Variants in SPATA16 observed in about 807,000 individuals in gnomAD.
The protein encoded by SPATA16 is spermatogenesis associated 16.
In SPATA16, 36 loss-of-function variants were observed where a neutral mutation model predicts 63.3. The ratio of observed to expected loss-of-function variants is 0.57; its 90% CI spans 0.44 to 0.75. The LOEUF (loss-of-function observed/expected upper bound fraction) is 0.75. SPATA16 is among the 30% of genes least tolerant of loss of function. SPATA16 has a pLI of 0.00. For missense variants in SPATA16, 646 were observed against 679.3 expected, an observed-to-expected ratio of 0.95 and a Z score of 0.54; for synonymous variants, 203 against 216.7, an observed-to-expected ratio of 0.94 and a Z score of 0.56.
intron 3 of SPATA16, among the ~76,000 whole-genome samples, chr3:173,033,325 C>T (rs1735645882): frequency 6.6e-6 from 1 of 152,124 alleles, no homozygotes; most frequent in East Asian, 1.9e-4. Context: ...ATTGTAATCC[C>T]GAGTCTGTCT....
chr3:173,055,663 T>C (rs1160615830), intron 2 of SPATA16, among the ~76,000 whole-genome samples: 1 of 152,220 alleles, frequency 6.6e-6, no homozygotes, highest in Non-Finnish European at 1.5e-5. Flanking sequence ...GGAACTGTAA[T>C]GTATCTTGAA....
intron 3 of SPATA16, among the ~76,000 whole-genome samples, chr3:173,021,923 T>G (rs1384683996): frequency 6.6e-6 from 1 of 152,150 alleles, no homozygotes; most frequent in Non-Finnish European, 1.5e-5. Context: ...GTAATGTTTT[T>G]GCTTTGCCGA....
intron 2 of SPATA16, among the ~76,000 whole-genome samples, chr3:173,107,780 G>A (rs1486903322): frequency 1.3e-5 from 2 of 152,106 alleles, no homozygotes; most frequent in Non-Finnish European, 2.9e-5. Context: ...CGTAACAGAG[G>A]AAAGAGACGG....
Position 173,049,083 on chromosome 3 carries a change from T to C in SPATA16, c.624A>G (p.Lys208=), listed in dbSNP as rs1209749865. The C allele has an allele frequency of 6.2e-7, 1 of 1,613,244 alleles. No homozygotes were observed. Among genetic ancestry groups the C allele is most frequent in the Non-Finnish European group, 8.5e-7 (1 of 1,179,496 alleles). ...QFRTALELCS[K]GAVLGEPFDA... ...CAAATGGTTCTCCCAGAACTGCTCC[T>C]TTGCTGCAAAGCTTTAAAAAATATA... The change falls in exon 3 of 11, where the codon AAA becomes AAG. Residue 208 remains lysine, a synonymous_variant. Transcript: ENST00000351008.
chr3:172,968,617 T>G (rs1055794863), intron 5 of SPATA16, among the ~76,000 whole-genome samples: 1 of 152,194 alleles, frequency 6.6e-6, no homozygotes, highest in African/African-American at 2.4e-5. Context: ...TCTCCCCCCT[T>G]TCTTCCCTTT....
chr3:173,010,732 A>G (rs938532200), intron 4 of SPATA16, among the ~76,000 whole-genome samples: 1 of 151,984 alleles, frequency 6.6e-6, no homozygotes, highest in Non-Finnish European at 1.5e-5. Context: ...TGAGCATTTC[A>G]ATGGTGGCTC....
At chr3:172,978,479 T>C (rs1000358649) in intron 4 of SPATA16, among the ~76,000 whole-genome samples, 2 of 152,180 alleles carry the variant, frequency 1.3e-5, no homozygotes, top group African/African-American at 4.8e-5. Flanking sequence ...GTGCCTGTTA[T>C]TTAATAGAAA....
chr3:173,086,549 T>C (rs1197847203), intron 2 of SPATA16, among the ~76,000 whole-genome samples: 2 of 152,170 alleles, frequency 1.3e-5, no homozygotes, highest in Non-Finnish European at 2.9e-5. Flanking sequence ...AGTTCTGCTC[T>C]GATTTTGGTT....
intron 4 of SPATA16, among the ~76,000 whole-genome samples, chr3:173,004,824 C>T (rs999110154): frequency 4.6e-5 from 7 of 152,210 alleles, no homozygotes; most frequent in Middle Eastern, 3.4e-3. Context: ...GTGACATAGA[C>T]GCTATTATTA....
At chr3:172,908,594 CTT>C in intron 10 of SPATA16, among the ~76,000 whole-genome samples, 1 of 152,148 alleles carries the variant, frequency 6.6e-6, no homozygotes, top group African/African-American at 2.4e-5. Flanking sequence ...TCTTGATCGG[CTT>C]TTTATAGACC....
intron 2 of SPATA16, among the ~76,000 whole-genome samples, chr3:173,065,403 C>T (rs1233945204): frequency 2.0e-5 from 3 of 152,086 alleles, no homozygotes; most frequent in Non-Finnish European, 4.4e-5. Context: ...ATTTCGAGAT[C>T]AGTATTTCTA....
Position 172,987,790 on chromosome 3 carries a change from C to T in SPATA16, c.849-10738G>A, listed in dbSNP as rs1373462388. On this transcript the variant is annotated intron_variant, in intron 4 of 10. Coordinates refer to ENST00000351008, the MANE Select transcript of SPATA16 (RefSeq NM_031955.6). ...TTAGAGCAGAAAATAAACCCATTCA[C>T]AGCAGAGAAACAGCTTACAGAGAAA... Among the ~76,000 whole-genome samples the T allele has an allele frequency of 2.0e-5, 3 of 152,316 alleles. No homozygotes were observed. In the East Asian group the frequency reaches 5.8e-4, roughly 29 times the overall value.
chr3:172,940,669 C>A (rs531247444), intron 6 of SPATA16, among the ~76,000 whole-genome samples: 1 of 152,202 alleles, frequency 6.6e-6, no homozygotes, highest in East Asian at 1.9e-4. Flanking sequence ...GAACATGTAC[C>A]TCTGAACTTA....
chr3:172,889,481 C>T lies in SPATA16; in HGVS notation c.*89G>A. The T allele has an allele frequency of 1.9e-6, 3 of 1,585,716 alleles. No homozygotes were observed. Among genetic ancestry groups the T allele is most frequent in the Non-Finnish European group, 2.6e-6 (3 of 1,159,856 alleles). On this transcript the variant is annotated 3_prime_UTR_variant, in exon 11 of 11. Transcript: ENST00000351008. ...TCTTTTGGTGACAAGCTTTTGTTAT[C>T]CAGCTTCACAGTACTAGGTGGGCAT...
chr3:172,999,715 C>T (rs969352262), intron 4 of SPATA16, among the ~76,000 whole-genome samples: 1 of 152,006 alleles, frequency 6.6e-6, no homozygotes, highest in Non-Finnish European at 1.5e-5. Flanking sequence ...CGCCTGGCCC[C>T]CTATTTCATT....
At position 172,962,884 on chromosome 3, in the gene SPATA16, G is replaced by A. The variant is rs1325432460; in HGVS notation, c.934-6060C>T. On this transcript the variant is annotated intron_variant, in intron 5 of 10. Transcript: ENST00000351008. The stretch of plus-strand genomic sequence containing the variant: ...AGAAAATGGAAAAATAAAATTTTGT[G>A]AGCTACGTTTTTCAAATTCAATTTT... Among the ~76,000 whole-genome samples, 3 of 152,156 alleles carry A rather than the reference G, an allele frequency of 2.0e-5. No individual in the cohort carries two copies. In the South Asian group the frequency reaches 6.2e-4, roughly 32 times the overall value.
intron 5 of SPATA16, among the ~76,000 whole-genome samples, chr3:172,961,070 C>CT (rs1560080348): frequency 7.8e-5 from 2 of 25,602 alleles, no homozygotes; most frequent in African/African-American, 3.2e-4. Context: ...TTTCTTCTTT[C>CT]TTCCTTCCTT....
intron 2 of SPATA16, among the ~76,000 whole-genome samples, chr3:173,061,820 A>C (rs923375532): frequency 2.6e-5 from 4 of 152,190 alleles, no homozygotes; most frequent in African/African-American, 9.7e-5. Flanking sequence ...GGAGCGACAG[A>C]ATATGTAGGG....
intron 4 of SPATA16, among the ~76,000 whole-genome samples, chr3:172,998,091 G>C (rs1734731299): frequency 6.6e-6 from 1 of 152,034 alleles, no homozygotes; most frequent in African/African-American, 2.4e-5. Flanking sequence ...CTGAAATTTT[G>C]ATTGGGACTG....
Sources: allele counts gnomAD v4.1 joint callset (sites outside exome capture counted in the v4.1 genomes callset), GRCh38; gene constraint gnomAD v4.1.1; transcripts MANE v1.5; gene names NCBI Gene and HGNC (gene_info 2026-07-23, HGNC 2026-07-21).